Variants in ERN1 observed in about 807,000 individuals in gnomAD.
The protein encoded by ERN1 is serine/threonine-protein kinase/endoribonuclease IRE1.
Under a neutral mutation model 113.1 loss-of-function variants are expected in ERN1, and 39 were observed. The observed-to-expected ratio is 0.34, with a 90% CI of 0.27 to 0.45. The LOEUF (loss-of-function observed/expected upper bound fraction) is 0.45, where lower values mean the gene tolerates loss of function less well. Ranked by LOEUF, ERN1 falls within the 20% of genes least tolerant of loss-of-function variation. The pLI, the probability that ERN1 is intolerant of heterozygous loss-of-function variation, is 1.00. For missense variants in ERN1, 976 were observed against 1,274.8 expected, an observed-to-expected ratio of 0.77 and a Z score of 3.57; for synonymous variants, 507 against 515.9, an observed-to-expected ratio of 0.98 and a Z score of 0.23.
At chr17:64,129,639 G>C (rs1383684859) in intron 1 of ERN1, 3 of 369,692 alleles carry the variant, frequency 8.1e-6, no homozygotes, top group Non-Finnish European at 1.4e-5. Flanking sequence ...CTCAGGCCGG[G>C]GCCTTCTGGG....
In ERN1 at chr17:64,080,759, G is replaced by GA; in HGVS notation, c.209+15dup. On this transcript the variant is annotated intron_variant, in intron 3 of 21. Transcript: ENST00000433197. Reference sequence around the variant, plus strand: ...ACTGAATTAAAGGGAAGTACTGAGCGAATCAGAAAACTTACTCTTCCACAT... The same window carrying GA: ...ACTGAATTAAAGGGAAGTACTGAGCGAAATCAGAAAACTTACTCTTCCACAT... 6.2e-7 allele frequency: 1 copy of GA among 1,607,948 alleles called. No homozygotes were observed. The highest frequency in any genetic ancestry group is 8.5e-7 in the Non-Finnish European group (1 of 1,176,706).
intron 4 of ERN1, among the ~76,000 whole-genome samples, chr17:64,078,557 TC>T (rs1478943855): frequency 3.3e-5 from 5 of 152,246 alleles, no homozygotes. Flanking sequence ...TGAAGATGGT[TC>T]CATTACTTTT....
At chr17:64,129,857 C>A (rs1915188948) in intron 1 of ERN1, 119 bp downstream of exon 1, 1 of 951,350 alleles carries the variant, frequency 1.1e-6, no homozygotes, top group Non-Finnish European at 1.4e-6. Context: ...GCTCACGGGG[C>A]ATCTGGCCGC....
At chr17:64,078,027 C>T (rs763168292) in intron 4 of ERN1, among the ~76,000 whole-genome samples, 1 of 152,164 alleles carries the variant, frequency 6.6e-6, no homozygotes, top group Non-Finnish European at 1.5e-5. Flanking sequence ...GCCACCGCAC[C>T]CAGCCACAAA....
intron 4 of ERN1, among the ~76,000 whole-genome samples, chr17:64,076,085 T>G (rs1281856235): frequency 6.6e-6 from 1 of 152,186 alleles, no homozygotes; most frequent in African/African-American, 2.4e-5. Context: ...GAAAAGAAAC[T>G]CAAAGGAATC....
At chr17:64,108,673 G>C (rs757583675) in intron 1 of ERN1, among the ~76,000 whole-genome samples, 2 of 152,122 alleles carry the variant, frequency 1.3e-5, no homozygotes, top group African/African-American at 4.8e-5. Context: ...ACCAAGAAAC[G>C]TATCAGGCTA....
chr17:64,073,243 A>G (rs1479642754), intron 5 of ERN1, among the ~76,000 whole-genome samples: 5 of 150,482 alleles, frequency 3.3e-5, no homozygotes, highest in Non-Finnish European at 7.4e-5. Context: ...ATCTCGGCTC[A>G]CTGCAACCTC....
intron 1 of ERN1, among the ~76,000 whole-genome samples, chr17:64,121,479 A>G (rs1485323325): frequency 6.6e-6 from 1 of 152,110 alleles, no homozygotes; most frequent in Non-Finnish European, 1.5e-5. Flanking sequence ...ACTGTGAATT[A>G]GGCTTAGCAG....
chr17:64,055,464 T>A (rs563785228), intron 13 of ERN1, among the ~76,000 whole-genome samples: 2 of 152,262 alleles, frequency 1.3e-5, no homozygotes, highest in Admixed American at 1.3e-4. Flanking sequence ...GACAGGAGGA[T>A]GGCCAGGGTG....
At chr17:64,055,004 G>A (rs976498336) in intron 13 of ERN1, among the ~76,000 whole-genome samples, 176 bp from the exon 14 acceptor site, 1 of 152,124 alleles carries the variant, frequency 6.6e-6, no homozygotes, top group Non-Finnish European at 1.5e-5. Flanking sequence ...GTACACCCAG[G>A]ACTGCCTCTT....
intron 4 of ERN1, among the ~76,000 whole-genome samples, chr17:64,077,231 C>T (rs750694101): frequency 5.3e-5 from 8 of 152,202 alleles, no homozygotes; most frequent in Non-Finnish European, 8.8e-5. Flanking sequence ...AATCCACTTA[C>T]AGCCTAGATC....
intron 10 of ERN1, among the ~76,000 whole-genome samples, chr17:64,062,346 C>T (rs1198955044): frequency 6.6e-6 from 1 of 152,194 alleles, no homozygotes; most frequent in Non-Finnish European, 1.5e-5. Flanking sequence ...TAATGCTTTC[C>T]ACAAAGAGAA....
intron 1 of ERN1, among the ~76,000 whole-genome samples, chr17:64,116,948 CAA>C (rs536779884): frequency 1.1e-3 from 97 of 89,792 alleles, no homozygotes; most frequent in African/African-American, 2.0e-3. Context: ...ACTAAAAATA[CAA>C]AAAAAAAAAA....
intron 12 of ERN1, among the ~76,000 whole-genome samples, 175 bp from the exon 13 acceptor site, chr17:64,056,123 G>T (rs1021866707): frequency 2.0e-5 from 3 of 152,192 alleles, no homozygotes; most frequent in Non-Finnish European, 2.9e-5. Flanking sequence ...ATGACTGGAC[G>T]TCTTTCCACC....
At chr17:64,065,070 T>C (rs1008278547) in intron 9 of ERN1, 139 bp downstream of exon 9, 18 of 605,126 alleles carry the variant, frequency 3.0e-5, no homozygotes, top group Non-Finnish European at 5.3e-5. Flanking sequence ...ATGTGGCATG[T>C]GCAGAAACTG....
chr17:64,052,033 A>G (rs1912699795), intron 17 of ERN1, among the ~76,000 whole-genome samples: 1 of 152,232 alleles, frequency 6.6e-6, no homozygotes, highest in Non-Finnish European at 1.5e-5. Flanking sequence ...AAGTATTAAC[A>G]AATGTTGAAT....
intron 1 of ERN1, among the ~76,000 whole-genome samples, chr17:64,105,363 CCTCCTG>C (rs1389854750): frequency 6.6e-6 from 1 of 152,080 alleles, no homozygotes; most frequent in African/African-American, 2.4e-5. Context: ...TCCACCTCAG[CCTCCTG>C]AGTTGCTGAG....
intron 1 of ERN1, among the ~76,000 whole-genome samples, chr17:64,118,702 C>T (rs1914874601): frequency 1.3e-5 from 2 of 152,218 alleles, no homozygotes; most frequent in South Asian, 4.1e-4. Context: ...TGAGAAACAA[C>T]TGAGATGGGT....
At chr17:64,047,832 T>G (rs77619112) in intron 19 of ERN1, 26 bp downstream of exon 19, 33,140 of 1,540,694 alleles carry the variant, frequency 0.022, 527 homozygotes, top group Middle Eastern at 0.029. Context: ...ATGAAGACTC[T>G]GGATAAAGAG....
Sources: allele counts gnomAD v4.1 joint callset (sites outside exome capture counted in the v4.1 genomes callset), GRCh38; gene constraint gnomAD v4.1.1; transcripts MANE v1.5; gene names NCBI Gene and HGNC (gene_info 2026-07-23, HGNC 2026-07-21).